Variants in SLC16A12 observed in about 807,000 individuals in gnomAD.
SLC16A12 encodes the protein solute carrier family 16 member 12, also known as monocarboxylate transporter 12.
Under a neutral mutation model 42.4 loss-of-function variants are expected in SLC16A12, and 17 were observed. That is an observed-to-expected ratio of 0.40 (90% CI 0.27 to 0.60). The LOEUF is 0.60. SLC16A12 is among the 20% of genes least tolerant of loss of function. The pLI is 0.42. For missense variants in SLC16A12, 544 were observed against 623.0 expected, an observed-to-expected ratio of 0.87 and a Z score of 1.35; for synonymous variants, 224 against 229.4, an observed-to-expected ratio of 0.98 and a Z score of 0.21.
chr10:89,516,000 G>T (rs4933507), intron 2 of SLC16A12, among the ~76,000 whole-genome samples: 104,620 of 151,976 alleles, frequency 0.69, 37,097 homozygotes, highest in African/African-American at 0.86. Context: ...CTAACTCTAC[G>T]TATATTATAT....
intron 2 of SLC16A12, among the ~76,000 whole-genome samples, chr10:89,515,577 C>T (rs185079855): frequency 9.2e-5 from 14 of 152,244 alleles, no homozygotes; most frequent in African/African-American, 3.4e-4. Context: ...TTCTTATCCC[C>T]GTTTTCCCAC....
At chr10:89,510,331 A>G (rs933562080) in intron 2 of SLC16A12, among the ~76,000 whole-genome samples, 1 of 152,192 alleles carries the variant, frequency 6.6e-6, no homozygotes, top group African/African-American at 2.4e-5. Context: ...CTGACTTCAA[A>G]CCATACTACA....
chr10:89,480,142 T>C (rs907263431), intron 2 of SLC16A12, among the ~76,000 whole-genome samples: 1 of 152,220 alleles, frequency 6.6e-6, no homozygotes, highest in Admixed American at 6.5e-5. Flanking sequence ...CAGGGTTTTT[T>C]TGCCATCCCA....
intron 2 of SLC16A12, among the ~76,000 whole-genome samples, chr10:89,550,444 G>A (rs1237470160): frequency 2.6e-5 from 4 of 152,126 alleles, no homozygotes; most frequent in African/African-American, 4.8e-5. Context: ...ACTTGAATCC[G>A]GGAGGCGGAG....
chr10:89,503,752 G>A (rs969564981), intron 2 of SLC16A12, among the ~76,000 whole-genome samples: 7 of 152,134 alleles, frequency 4.6e-5, no homozygotes, highest in African/African-American at 1.7e-4. Flanking sequence ...GGTGGAGTCC[G>A]CAATTGTTCC....
chr10:89,471,322 T>C (rs1333406086), intron 2 of SLC16A12, among the ~76,000 whole-genome samples: 2 of 152,224 alleles, frequency 1.3e-5, no homozygotes, highest in African/African-American at 4.8e-5. Context: ...AAATTAGTTG[T>C]CAATATAGAT....
intron 2 of SLC16A12, among the ~76,000 whole-genome samples, chr10:89,509,770 G>A (rs888067914): frequency 5.3e-5 from 8 of 152,272 alleles, no homozygotes; most frequent in Admixed American, 6.5e-5. Flanking sequence ...GAAATAAAGG[G>A]TATTCAGTCA....
upstream of SLC16A12, among the ~76,000 whole-genome samples, chr10:89,540,321 ACTTGTGGGCTCAAG>A (rs1843707792): frequency 6.6e-6 from 1 of 151,858 alleles, no homozygotes; most frequent in Non-Finnish European, 1.5e-5. Context: ...CTGGTCTCAA[ACTTGTGGGCTCAAG>A]CGATCCTCCC....
At chr10:89,470,528 G>A (rs1842475629) in intron 2 of SLC16A12, among the ~76,000 whole-genome samples, 1 of 152,184 alleles carries the variant, frequency 6.6e-6, no homozygotes, top group Non-Finnish European at 1.5e-5. Flanking sequence ...AGTGATGGGG[G>A]GATTCCCCCA....
chr10:89,527,868 T>C lies in SLC16A12; in HGVS notation c.-47+6633A>G, dbSNP rs147561288. On this transcript the variant is annotated intron_variant, in intron 2 of 7. Coordinates refer to ENST00000371790, the MANE Select transcript of SLC16A12 (RefSeq NM_213606.4). ...AGAGGTGAATTCTAAGTAGGAGTAGTCTACTAGATAAATCTTCAGAATCTG... is the reference window on the plus strand; with the variant it reads ...AGAGGTGAATTCTAAGTAGGAGTAGCCTACTAGATAAATCTTCAGAATCTG... Among the ~76,000 whole-genome samples, 603 of 151,776 alleles carry C rather than the reference T, an allele frequency of 4.0e-3. 4 individuals are homozygous for C. Among genetic ancestry groups the C allele is most frequent in the Middle Eastern group, 0.017 (5 of 290 alleles).
At chr10:89,536,225 A>C (rs553802342), upstream of SLC16A12, among the ~76,000 whole-genome samples, 35 of 152,280 alleles carry the variant, frequency 2.3e-4, no homozygotes, top group African/African-American at 8.4e-4. Flanking sequence ...TCGAGAAAAA[A>C]TACAAGGCCT....
At chr10:89,460,691 G>A (rs1252182895) in intron 3 of SLC16A12, among the ~76,000 whole-genome samples, 1 of 148,578 alleles carries the variant, frequency 6.7e-6, no homozygotes, top group Non-Finnish European at 1.5e-5. Flanking sequence ...GTTACAGTGA[G>A]TGGAGATCAT....
upstream of SLC16A12, among the ~76,000 whole-genome samples, chr10:89,539,916 CTTTT>C (rs983141499): frequency 8.7e-6 from 1 of 114,642 alleles, no homozygotes; most frequent in Non-Finnish European, 1.9e-5. Flanking sequence ...TTTCTTTTTT[CTTTT>C]TTTCTTTCTT....
At chr10:89,451,756 T>C (rs1194423554) in intron 3 of SLC16A12, among the ~76,000 whole-genome samples, 1 of 152,212 alleles carries the variant, frequency 6.6e-6, no homozygotes, top group African/African-American at 2.4e-5. Context: ...GGAGACTTCA[T>C]GTGAGTGGCG....
chr10:89,432,839 G>A lies in SLC16A12; in HGVS notation c.*225C>T, dbSNP rs1048699295. ...GCTATGCCCATTGACCAAAAGATAC[G>A]AGTTCAGTTATGAGCACAAATCCCA... On this transcript the variant is annotated 3_prime_UTR_variant, in exon 8 of 8. Coordinates refer to ENST00000371790, the MANE Select transcript of SLC16A12 (RefSeq NM_213606.4). 1.5e-5 allele frequency: 8 copies of A among 541,294 alleles called. No individual in the cohort carries two copies. The highest frequency in any genetic ancestry group is 3.8e-5 in the African/African-American group (2 of 52,622). 33.5% of individuals were successfully genotyped at this position (541,294 alleles called of 1,614,324 possible). A position where few individuals can be genotyped will look rare whatever the true frequency, so the allele number is the denominator to read the frequency against.
At chr10:89,539,293 C>T (rs1217072756), upstream of SLC16A12, among the ~76,000 whole-genome samples, 5 of 152,156 alleles carry the variant, frequency 3.3e-5, no homozygotes, top group African/African-American at 1.2e-4. Flanking sequence ...CTGGTACCTC[C>T]ACATGCATTA....
intron 2 of SLC16A12, among the ~76,000 whole-genome samples, chr10:89,500,102 A>G (rs1006617356): frequency 6.6e-6 from 1 of 152,182 alleles, no homozygotes; most frequent in African/African-American, 2.4e-5. Context: ...AGCAGGAAGA[A>G]TTAGAAACCC....
At chr10:89,537,994 C>T (rs1843691449), upstream of SLC16A12, among the ~76,000 whole-genome samples, 1 of 152,208 alleles carries the variant, frequency 6.6e-6, no homozygotes, top group Non-Finnish European at 1.5e-5. Context: ...GAGTGCAATG[C>T]GTATAGGCAG....
chr10:89,442,908 T>G (rs1255036477), intron 4 of SLC16A12, among the ~76,000 whole-genome samples: 1 of 152,204 alleles, frequency 6.6e-6, no homozygotes, highest in African/African-American at 2.4e-5. Context: ...CTTGAAGAGA[T>G]GAAAATTTCC....
Sources: gnomAD v4.1 joint callset for allele counts (sites outside exome capture counted in the v4.1 genomes callset) on GRCh38, gnomAD v4.1.1 for gene constraint, MANE v1.5 for transcripts, NCBI Gene and HGNC (gene_info 2026-07-23, HGNC 2026-07-21) for gene names.